The following RORA variants were observed in gnomAD, a reference collection of about 807,000 sequenced individuals.
RORA encodes RAR related orphan receptor A.
Under a neutral mutation model 69.5 loss-of-function variants are expected in RORA, and 7 were observed. The ratio of observed to expected loss-of-function variants is 0.10; its 90% confidence interval spans 0.06 to 0.19. RORA has a LOEUF of 0.19. Among genes scored for constraint, RORA ranks in the 10% least tolerant of loss-of-function variants. The pLI is 1.00. For synonymous variants in RORA, 261 were observed against 240.8 expected, an observed-to-expected ratio of 1.08 and a Z score of -0.78; for missense variants, 457 against 663.0, an observed-to-expected ratio of 0.69 and a Z score of 3.41.
chr15:60,977,112 A>AG (rs753914107), intron 1 of RORA, among the ~76,000 whole-genome samples: 8 of 73,794 alleles, frequency 1.1e-4, no homozygotes, highest in African/African-American at 5.2e-4. Flanking sequence ...AACTGATTGG[A>AG]GGGAAAAAAA....
chr15:61,181,090 C>T (rs935842717), intron 1 of RORA, among the ~76,000 whole-genome samples: 5 of 134,006 alleles, frequency 3.7e-5, no homozygotes, highest in African/African-American at 1.1e-4. Context: ...GGAGACAGAG[C>T]GAGATTCCAT....
At chr15:60,542,749 C>T (rs1232671195) in intron 2 of RORA, among the ~76,000 whole-genome samples, 3 of 151,750 alleles carry the variant, frequency 2.0e-5, no homozygotes, top group East Asian at 1.9e-4. Flanking sequence ...AAACGACACA[C>T]GGGCACACCT....
intron 1 of RORA, among the ~76,000 whole-genome samples, chr15:60,718,699 T>C (rs1354518991): frequency 6.6e-6 from 1 of 152,200 alleles, no homozygotes; most frequent in Non-Finnish European, 1.5e-5. Flanking sequence ...TAACCATCCA[T>C]GTCTTGACCT....
Position 60,534,976 on chromosome 15 carries a change from C to G in RORA, c.197-3125G>C, listed in dbSNP as rs4562990. On this transcript the variant is annotated intron_variant, in intron 2 of 10. Transcript: ENST00000335670. This position sits in a 1 kb window ranked among gnomAD's most constrained non-coding sequence, Gnocchi z 5.0. Reference sequence around the variant, plus strand: ...TCAAAAGGAGGCAGTTTAGTTTTGTCAATTTGAGTTTTCAGTCCAACAAGA... The same window carrying G: ...TCAAAAGGAGGCAGTTTAGTTTTGTGAATTTGAGTTTTCAGTCCAACAAGA... Among the ~76,000 whole-genome samples the G allele has an allele frequency of 0.047, 7,204 of 152,236 alleles. 611 individuals carry two copies. Among genetic ancestry groups the G allele is most frequent in the African/African-American group, 0.17 (6,908 of 41,508 alleles).
Position 60,763,065 on chromosome 15 carries a change from A to ATTTTTTTTTTTTTTTTT in RORA, c.167-84396_167-84380dup, listed in dbSNP as rs374433414. Reference sequence around the variant, plus strand: ...AAAGTACTGTTTCCAATATGCACAGATTTTTTTTTTTTTTTTTTTTTTTTT... The same window carrying ATTTTTTTTTTTTTTTTT: ...AAAGTACTGTTTCCAATATGCACAGATTTTTTTTTTTTTTTTTTTTTTTTTTTTTTTTTTTTTTTTTT... On this transcript the variant is annotated intron_variant, in intron 1 of 10. Transcript: ENST00000335670. Among the ~76,000 whole-genome samples, 84 of 48,372 alleles carry ATTTTTTTTTTTTTTTTT rather than the reference A, an allele frequency of 1.7e-3. 16 individuals carry two copies. Among genetic ancestry groups the ATTTTTTTTTTTTTTTTT allele is most frequent in the South Asian group, 5.5e-3 (5 of 912 alleles). 31.7% of individuals were successfully genotyped at this position (48,372 alleles called of 152,430 possible).
chr15:61,044,404 G>A (rs1277183007), intron 1 of RORA, among the ~76,000 whole-genome samples: 1 of 152,168 alleles, frequency 6.6e-6, no homozygotes, highest in Admixed American at 6.5e-5. Context: ...ATCTGGACCT[G>A]TGCTAATACA....
At chr15:60,734,691 T>A (rs2071475764) in intron 1 of RORA, among the ~76,000 whole-genome samples, 1 of 148,220 alleles carries the variant, frequency 6.7e-6, no homozygotes, top group East Asian at 2.0e-4. Flanking sequence ...TTCCCTGATT[T>A]GAGAGAGATC....
chr15:60,741,101 T>C (rs1289117148), intron 1 of RORA, among the ~76,000 whole-genome samples: 1 of 152,180 alleles, frequency 6.6e-6, no homozygotes, highest in Non-Finnish European at 1.5e-5. Context: ...GCTTGAGTTA[T>C]CCCCAAATCC....
At chr15:61,021,327 C>A (rs1895511538) in intron 1 of RORA, among the ~76,000 whole-genome samples, 1 of 152,104 alleles carries the variant, frequency 6.6e-6, no homozygotes, top group Non-Finnish European at 1.5e-5. Flanking sequence ...TATTAGAAAA[C>A]CCTAAATACA....
At chr15:61,203,942 G>GTCAAAATAGGTA (rs1248294204) in intron 1 of RORA, among the ~76,000 whole-genome samples, 4 of 152,212 alleles carry the variant, frequency 2.6e-5, no homozygotes, top group African/African-American at 9.6e-5. Context: ...CAAAATGTTT[G>GTCAAAATAGGTA]CAGAGAGTAC....
intron 3 of RORA, among the ~76,000 whole-genome samples, chr15:60,518,255 T>C (rs963264283): frequency 1.1e-4 from 16 of 152,342 alleles, no homozygotes; most frequent in African/African-American, 2.9e-4. Context: ...GATGCCACTT[T>C]TTAGTTTGCA....
At chr15:60,904,148 A>G (rs774016758) in intron 1 of RORA, among the ~76,000 whole-genome samples, 1 of 152,212 alleles carries the variant, frequency 6.6e-6, no homozygotes, top group Non-Finnish European at 1.5e-5. Context: ...AAATAAGCCA[A>G]TTATTATGCC....
At chr15:61,164,743 T>C (rs140508681) in intron 1 of RORA, among the ~76,000 whole-genome samples, 5 of 152,282 alleles carry the variant, frequency 3.3e-5, no homozygotes, top group Admixed American at 1.3e-4. Context: ...GCAGATTATA[T>C]AGAAGGCTAC....
At chr15:60,675,651 G>A (rs1364822) in intron 2 of RORA, among the ~76,000 whole-genome samples, 122,618 of 152,172 alleles carry the variant, frequency 0.81, 49,791 homozygotes, top group Admixed American at 0.86. Context: ...AAGCTTAACA[G>A]TCAAATTTCC....
intron 1 of RORA, among the ~76,000 whole-genome samples, chr15:60,914,077 T>C (rs947035647): frequency 2.6e-5 from 4 of 152,176 alleles, no homozygotes; most frequent in Admixed American, 1.3e-4. Context: ...CTGCACTCCA[T>C]TGACTGGGAA....
intron 1 of RORA, among the ~76,000 whole-genome samples, chr15:61,098,211 C>CTTT: frequency 7.9e-6 from 1 of 126,292 alleles, no homozygotes; most frequent in Non-Finnish European, 1.7e-5. Flanking sequence ...CTTCCTTCTT[C>CTTT]CCTCCCTCCT....
At chr15:60,517,750 A>C (rs893847572) in intron 3 of RORA, among the ~76,000 whole-genome samples, 6 of 152,186 alleles carry the variant, frequency 3.9e-5, no homozygotes, top group Admixed American at 2.6e-4. Flanking sequence ...TGGATGCTTA[A>C]AATCAGGAAT....
intron 1 of RORA, among the ~76,000 whole-genome samples, chr15:60,886,048 C>T (rs1021891518): frequency 2.0e-5 from 3 of 152,158 alleles, no homozygotes; most frequent in Non-Finnish European, 4.4e-5. Context: ...TTGACATTTC[C>T]ACCTGACTGA....
intron 2 of RORA, among the ~76,000 whole-genome samples, chr15:60,577,305 A>G (rs1218162546): frequency 6.6e-6 from 1 of 152,206 alleles, no homozygotes; most frequent in African/African-American, 2.4e-5. Flanking sequence ...TTGTAGAGCA[A>G]GAGCTCTCAA....
Sources: allele counts gnomAD v4.1 joint callset (sites outside exome capture counted in the v4.1 genomes callset), GRCh38; gene constraint gnomAD v4.1.1; non-coding constraint Gnocchi (gnomAD v3.1); transcripts MANE v1.5; gene names NCBI Gene and HGNC (gene_info 2026-07-23, HGNC 2026-07-21).